The following ARHGAP8 variants were observed in gnomAD, a reference collection of about 807,000 sequenced individuals.
ARHGAP8 encodes rho GTPase-activating protein 8.
Under a neutral mutation model 46.1 loss-of-function variants are expected in ARHGAP8, and 62 were observed. That is an observed-to-expected ratio of 1.34 (90% confidence interval 1.10 to 1.66). ARHGAP8 has a LOEUF of 1.66. Ranked by LOEUF, ARHGAP8 falls within the 40% of genes most tolerant of loss-of-function variation. The probability of loss-of-function intolerance (pLI) is 0.00; values close to 1 mark genes in which losing one functional copy is unlikely to be tolerated. For synonymous variants in ARHGAP8, 375 were observed against 243.1 expected, an observed-to-expected ratio of 1.54 and a Z score of -5.05; for missense variants, 923 against 568.4, an observed-to-expected ratio of 1.62 and a Z score of -6.34.
intron 7 of ARHGAP8, among the ~76,000 whole-genome samples, chr22:44,834,005 C>A (rs1931127212): frequency 6.6e-6 from 1 of 152,042 alleles, no homozygotes; most frequent in Admixed American, 6.6e-5. Flanking sequence ...TTTCCTCTTC[C>A]ATTCCTGATT....
chr22:44,804,278 C>T (rs1381584514), intron 3 of ARHGAP8, among the ~76,000 whole-genome samples: 2 of 152,154 alleles, frequency 1.3e-5, no homozygotes, highest in Non-Finnish European at 2.9e-5. Flanking sequence ...AGGCGGCCAC[C>T]GAGCCTCCTT....
At chr22:44,834,145 A>T (rs1201872042) in intron 7 of ARHGAP8, among the ~76,000 whole-genome samples, 2 of 151,616 alleles carry the variant, frequency 1.3e-5, no homozygotes, top group Admixed American at 6.6e-5. Context: ...TTTTCTATTT[A>T]TTTCTACTCC....
chr22:44,862,210 G>C (rs1017723685), intron 11 of ARHGAP8, 65 bp from the exon 12 acceptor site: 4 of 1,528,356 alleles, frequency 2.6e-6, no homozygotes, highest in Non-Finnish European at 2.6e-6. Flanking sequence ...AAGTTCGGGA[G>C]GGAGTTCCAG....
intron 2 of ARHGAP8, among the ~76,000 whole-genome samples, chr22:44,789,121 G>A (rs1927482932): frequency 6.6e-6 from 1 of 152,032 alleles, no homozygotes; most frequent in South Asian, 2.1e-4. Flanking sequence ...TGCTTCCTGT[G>A]TTTTGATGCT....
intron 10 of ARHGAP8, 58 bp downstream of exon 10, chr22:44,849,118 G>A: frequency 6.2e-7 from 1 of 1,606,720 alleles, no homozygotes. Flanking sequence ...CTGTCCCCCA[G>A]CTACTGGCCC....
chr22:44,822,429 C>T lies in ARHGAP8; in HGVS notation c.445C>T (p.Leu149Phe), dbSNP rs762332134. Residue 149 changes from leucine to phenylalanine, a missense_variant, in exon 6 of 12, where the codon CTT becomes TTT. Physicochemically the swap from Leu to Phe is conservative, Grantham distance 22. Coordinates refer to ENST00000356099, the MANE Select transcript of ARHGAP8 (RefSeq NM_181335.3). ...FNYLSELHEH[L>F]KYDQLVIPPE... ...CTACCTGAGTGAGCTCCACGAACACCTTAAATACGACCAGCTGGTCATCCC... is the reference window on the plus strand; with the variant it reads ...CTACCTGAGTGAGCTCCACGAACACTTTAAATACGACCAGCTGGTCATCCC... The T allele has an allele frequency of 6.3e-5, 99 of 1,570,820 alleles. No individual in the cohort carries two copies. Among genetic ancestry groups the T allele is most frequent in the Non-Finnish European group, 8.2e-5 (96 of 1,166,130 alleles).
intron 7 of ARHGAP8, 27 bp downstream of exon 7, chr22:44,825,620 C>T (rs756616091): frequency 2.5e-6 from 4 of 1,600,718 alleles, no homozygotes; most frequent in Admixed American, 1.7e-5. Flanking sequence ...TGTGCCTGCT[C>T]CTATGCCCTG....
At chr22:44,818,807 C>T (rs1382328658) in intron 5 of ARHGAP8, among the ~76,000 whole-genome samples, 1 of 151,950 alleles carries the variant, frequency 6.6e-6, no homozygotes, top group African/African-American at 2.4e-5. Context: ...AGTGGTCCTC[C>T]CACCTCAGCC....
At chr22:44,859,466 G>T (rs1469546451) in intron 10 of ARHGAP8, among the ~76,000 whole-genome samples, 1 of 152,202 alleles carries the variant, frequency 6.6e-6, no homozygotes, top group Non-Finnish European at 1.5e-5. Context: ...ACAGGTGCTG[G>T]TGCCATGCTT....
At chr22:44,822,290 A>T in intron 5 of ARHGAP8, 81 bp from the exon 6 acceptor site, 3 of 1,076,732 alleles carry the variant, frequency 2.8e-6, no homozygotes, top group Non-Finnish European at 2.7e-6. Context: ...TTCTGCCGCC[A>T]ACTCCCCCTC....
rs951489410 is a variant in ARHGAP8, at chr22:44,861,349, G to C, written c.982-926G>C. 4.6e-5 allele frequency among the ~76,000 whole-genome samples: 7 copies of C among 152,304 alleles called. No individual in the cohort carries two copies. In the East Asian group the frequency reaches 1.4e-3, roughly 29 times the overall value. On this transcript the variant is annotated intron_variant, in intron 11 of 11. Transcript: ENST00000356099. ...ATGGGCACCGATGTGAATGCACCTGGTGGGGTGTGGTGTTGCGTGTTATCA... is the reference window on the plus strand; with the variant it reads ...ATGGGCACCGATGTGAATGCACCTGCTGGGGTGTGGTGTTGCGTGTTATCA...
chr22:44,835,092 G>A (rs1188768586), intron 7 of ARHGAP8, among the ~76,000 whole-genome samples: 1 of 151,992 alleles, frequency 6.6e-6, no homozygotes, highest in Non-Finnish European at 1.5e-5. Flanking sequence ...TACATTTAGT[G>A]TGATTACTGG....
chr22:44,813,308 TACAC>T (rs1056507050), intron 4 of ARHGAP8, among the ~76,000 whole-genome samples: 1 of 150,526 alleles, frequency 6.6e-6, no homozygotes, highest in African/African-American at 2.5e-5. Context: ...ATACAGTACA[TACAC>T]CTGCATACAC....
chr22:44,799,609 G>C (rs1277325261), intron 2 of ARHGAP8, among the ~76,000 whole-genome samples: 12 of 152,118 alleles, frequency 7.9e-5, no homozygotes, highest in Non-Finnish European at 1.3e-4. Flanking sequence ...ACGACAGCCT[G>C]GTGTGGGTTT....
At chr22:44,858,283 G>A (rs1021187015) in intron 10 of ARHGAP8, among the ~76,000 whole-genome samples, 4 of 152,052 alleles carry the variant, frequency 2.6e-5, no homozygotes, top group African/African-American at 9.7e-5. Flanking sequence ...GCATAGGCAT[G>A]CATGTGGCTG....
chr22:44,837,426 G>A (rs1931361912), intron 7 of ARHGAP8, among the ~76,000 whole-genome samples: 1 of 152,190 alleles, frequency 6.6e-6, no homozygotes, highest in African/African-American at 2.4e-5. Flanking sequence ...CTGTGCTCCA[G>A]AGTCCTCCTG....
At chr22:44,859,634 A>T in intron 10 of ARHGAP8, 97 bp from the exon 11 acceptor site, 1 of 1,328,250 alleles carries the variant, frequency 7.5e-7, no homozygotes. Flanking sequence ...CCATCCTCAG[A>T]GCTGTCCTTC....
intron 1 of ARHGAP8, among the ~76,000 whole-genome samples, chr22:44,760,798 C>G (rs368523319): frequency 3.2e-4 from 49 of 152,206 alleles, no homozygotes; most frequent in African/African-American, 9.2e-4. Flanking sequence ...GCCAGCATGC[C>G]TGTTCGGGTC....
Position 44,862,615 on chromosome 22 carries a change from A to ATG in ARHGAP8, c.*21_*22insGT. On this transcript the variant is annotated 3_prime_UTR_variant, in exon 12 of 12. Transcript: ENST00000356099. Reference sequence around the variant, plus strand: ...CTCTAGTGTTGCGAACACTCTGTATATTTCGAGCTACCTCCCACACCTGTC... The same window carrying ATG: ...CTCTAGTGTTGCGAACACTCTGTATATGTTTCGAGCTACCTCCCACACCTGTC... 1 of 1,269,598 alleles carries ATG rather than the reference A, an allele frequency of 7.9e-7. No individual in the cohort carries two copies. The highest frequency in any genetic ancestry group is 1.1e-6 in the Non-Finnish European group (1 of 951,656). The allele number at this position is 1,269,598 out of a possible 1,614,324, so 78.6% of individuals were successfully genotyped here.
Sources: allele counts gnomAD v4.1 joint callset (sites outside exome capture counted in the v4.1 genomes callset), GRCh38; gene constraint gnomAD v4.1.1; transcripts MANE v1.5; gene names NCBI Gene and HGNC (gene_info 2026-07-23, HGNC 2026-07-21).